Variants in DOK7 observed in about 807,000 individuals in gnomAD.
DOK7 encodes the protein protein Dok-7.
In DOK7, 32 loss-of-function variants were observed where a neutral mutation model predicts 30.7. That is an observed-to-expected ratio of 1.04 (90% CI 0.79 to 1.40). The LOEUF (loss-of-function observed/expected upper bound fraction) is 1.40, where lower values mean the gene tolerates loss of function less well. Ranked by LOEUF, DOK7 falls within the 40% of genes most tolerant of loss-of-function variation. DOK7 has a pLI of 0.00. For synonymous variants in DOK7, 447 were observed against 324.1 expected, an observed-to-expected ratio of 1.38 and a Z score of -4.07; for missense variants, 1,007 against 699.2, an observed-to-expected ratio of 1.44 and a Z score of -4.97.
chr4:3,489,703 G>C lies in DOK7; in HGVS notation c.679G>C (p.Val227Leu), dbSNP rs749222988. The change falls in exon 6 of 7, where the codon GTG becomes CTG. Residue 227 changes from valine (V) to leucine (L), a missense_variant. By Grantham distance (32) the Val-to-Leu change is conservative. Transcript: ENST00000340083. ...PDPSPPGPST[V>L]EERVAQEALE... Reference sequence around the variant, plus strand: ...CCCAAGTCCCCCGGGACCCTCGACTGTGGAGGAGCGTGTGGCCCAGGAAGC... The same window carrying C: ...CCCAAGTCCCCCGGGACCCTCGACTCTGGAGGAGCGTGTGGCCCAGGAAGC... 5.8e-6 allele frequency: 9 copies of C among 1,563,874 alleles called. No homozygotes were observed. The Admixed American group carries it at 1.7e-4, about 30-fold the overall frequency.
exon 8 of DOK7, chr4:3,501,175 G>A: frequency 3.2e-6 from 1 of 317,296 alleles, no homozygotes; most frequent in Non-Finnish European, 5.8e-6. Flanking sequence ...TGTGGTGCCT[G>A]GGATGCAAAC....
intron 6 of DOK7, among the ~76,000 whole-genome samples, chr4:3,491,443 TTTC>T (rs74214631): frequency 1.7e-5 from 2 of 120,426 alleles, no homozygotes; most frequent in Non-Finnish European, 4.0e-5. Flanking sequence ...CATTCATTTC[TTTC>T]TTCTCTCCCT....
Position 3,500,618 on chromosome 4 carries a change from C to G in DOK7, c.1262-74C>G, listed in dbSNP as rs1050370093. The G allele has an allele frequency of 2.7e-5, 42 of 1,532,466 alleles. No individual in the cohort carries two copies. The African/African-American group carries it at 4.9e-4, about 18-fold the overall frequency. The allele number at this position is 1,532,466 out of a possible 1,614,324, so 94.9% of individuals were successfully genotyped here. On this transcript the variant is annotated intron_variant, in intron 7 of 7. Transcript: ENST00000643608. ...TGCTTCCGAGGGCCTGGCTGGGGGACTGGTGTGGAGGGCAGGGTCACAGGG... is the reference window on the plus strand; with the variant it reads ...TGCTTCCGAGGGCCTGGCTGGGGGAGTGGTGTGGAGGGCAGGGTCACAGGG...
Position 3,493,130 on chromosome 4 carries a change from G to T in DOK7, c.1144G>T (p.Glu382Ter). Residue 382 changes from glutamate (E) to a stop codon, truncating the protein, a stop_gained, in exon 7 of 7, where the codon GAG becomes TAG. Coordinates refer to ENST00000340083, the MANE Select transcript of DOK7 (RefSeq NM_173660.5). LOFTEE classifies it low-confidence loss of function (END_TRUNC). ...LLSLPAAGAP[E>*]PSLCTCLPGT... is the part of the protein sequence containing the mutation. ...CAGCCTGCCAGCAGCGGGGGCCCCC[G>T]AGCCCAGCCTGTGCACCTGCCTGCC... 6.3e-7 allele frequency: 1 copy of T among 1,595,636 alleles called. No individual in the cohort carries two copies.
intron 6 of DOK7, among the ~76,000 whole-genome samples, chr4:3,490,012 CCTCCTGCTCATTCATTCCTTCCTTCTT>C (rs1728104780): frequency 1.7e-5 from 2 of 118,394 alleles, no homozygotes; most frequent in Non-Finnish European, 3.8e-5. Flanking sequence ...CCTTCCTTCT[CCTCCTGCTCATTCATTCCTTCCTTCTT>C]CCTCCTACTC....
intron 6 of DOK7, among the ~76,000 whole-genome samples, chr4:3,491,017 A>C (rs1478285175): frequency 1.4e-5 from 1 of 72,508 alleles, no homozygotes; most frequent in Non-Finnish European, 2.6e-5. Context: ...CTTCCTGCTC[A>C]TTCATTCCTT....
rs145590002 is a variant in DOK7 at position 3,481,362 on chromosome 4, T to C, written c.533-4177T>C. Among the ~76,000 whole-genome samples the C allele has an allele frequency of 4.3e-3, 655 of 151,900 alleles. 7 individuals carry two copies. The highest frequency in any genetic ancestry group is 0.015 in the African/African-American group (619 of 41,422). ...GCTGCCCCAGGCAGCAGCTGCCTGG[T>C]TGGGGGATGGGAACCCTGTGGATTG... On this transcript the variant is annotated intron_variant, in intron 4 of 6. Transcript: ENST00000340083.
exon 8 of DOK7, chr4:3,500,736 G>A (rs1009029113): frequency 1.0e-5 from 16 of 1,535,466 alleles, no homozygotes; most frequent in African/African-American, 4.1e-5. Context: ...CATGGCCACC[G>A]AGACGGCGCA....
intron 6 of DOK7, among the ~76,000 whole-genome samples, chr4:3,500,045 G>C (rs1415034509): frequency 8.5e-6 from 1 of 117,668 alleles, no homozygotes; most frequent in Non-Finnish European, 1.8e-5. Context: ...TGGACCAGGA[G>C]TGGACAGTGT....
chr4:3,493,810 G>T lies in DOK7; in HGVS notation c.*309G>T. The stretch of plus-strand genomic sequence containing the variant: ...ATCAGGTGAGTGCTGCACCTCTGTT[G>T]GCTCGTGCCTTGCACTGGGGTGCCA... On this transcript the variant is annotated 3_prime_UTR_variant, in exon 7 of 7. Transcript: ENST00000340083. 1 of 1,286,260 alleles carries T rather than the reference G, an allele frequency of 7.8e-7. No individual in the cohort carries two copies. The allele number at this position is 1,286,260 out of a possible 1,614,324, so 79.7% of individuals were successfully genotyped here. A position where few individuals can be genotyped will look rare whatever the true frequency, so the allele number is the denominator to read the frequency against.
chr4:3,494,677 C>G (rs1728803088), downstream of DOK7, among the ~76,000 whole-genome samples: 1 of 117,088 alleles, frequency 8.5e-6, no homozygotes, highest in Admixed American at 8.4e-5. Flanking sequence ...CGGGCAGCCC[C>G]CGGGCTGGGA....
At chr4:3,476,582 C>T in intron 4 of DOK7, 40 bp downstream of exon 4, 1 of 1,605,526 alleles carries the variant, frequency 6.2e-7, no homozygotes, top group Non-Finnish European at 8.5e-7. Context: ...AGCAGCAGCA[C>T]CCCCCACTTC....
downstream of DOK7, among the ~76,000 whole-genome samples, chr4:3,498,580 G>A (rs148461847): frequency 6.6e-6 from 1 of 152,130 alleles, no homozygotes; most frequent in African/African-American, 2.4e-5. Flanking sequence ...GCCAGGCCCC[G>A]GCGCTCCCTC....
chr4:3,499,500 C>T (rs979362445), intron 6 of DOK7, among the ~76,000 whole-genome samples: 26 of 152,116 alleles, frequency 1.7e-4, no homozygotes, highest in Non-Finnish European at 2.5e-4. Context: ...GAGGAGGGGC[C>T]GGTGTGCGTC....
chr4:3,474,950 C>A (rs1726980310), intron 3 of DOK7, among the ~76,000 whole-genome samples: 1 of 152,220 alleles, frequency 6.6e-6, no homozygotes, highest in South Asian at 2.1e-4. Context: ...TTTTGATCAG[C>A]ATGGACTCTG....
At position 3,473,417 on chromosome 4, in the gene DOK7, A is replaced by C. The variant is rs879604285; in HGVS notation, c.112A>C (p.Met38Leu). The change falls in exon 3 of 7, where the codon ATG becomes CTG. Residue 38 changes from methionine (M) to leucine (L), a missense_variant. By Grantham distance (15) the Met-to-Leu change is conservative (BLOSUM62 2). Transcript: ENST00000340083. Reference sequence around the variant, plus strand: ...CACGCTCCTTGCAGACTGCCTGCTGATGCTGGTCTACAAGGACAAGTCGGA... The same window carrying C: ...CACGCTCCTTGCAGACTGCCTGCTGCTGCTGGTCTACAAGGACAAGTCGGA... ...KPSPVADCLL[M>L]LVYKDKSERI... is the part of the protein sequence containing the mutation. 4 of 1,610,836 alleles carry C rather than the reference A, an allele frequency of 2.5e-6. No individual in the cohort carries two copies. The highest frequency in any genetic ancestry group is 3.4e-6 in the Non-Finnish European group (4 of 1,179,768).
At chr4:3,484,027 C>A (rs1727602216) in intron 4 of DOK7, among the ~76,000 whole-genome samples, 1 of 152,204 alleles carries the variant, frequency 6.6e-6, no homozygotes, top group Non-Finnish European at 1.5e-5. Context: ...CACCCCTCAC[C>A]CACAGTAGGA....
At chr4:3,472,354 C>T (rs1302545705) in intron 2 of DOK7, among the ~76,000 whole-genome samples, 4 of 152,252 alleles carry the variant, frequency 2.6e-5, no homozygotes, top group Non-Finnish European at 5.9e-5. Flanking sequence ...CAATCCTCTT[C>T]GGGGACATTC....
At chr4:3,496,224 G>A (rs964844133), downstream of DOK7, among the ~76,000 whole-genome samples, 4 of 152,210 alleles carry the variant, frequency 2.6e-5, no homozygotes, top group South Asian at 2.1e-4. Context: ...GGGGCACCCC[G>A]TTAGGCACGG....
Sources: gnomAD v4.1 joint callset for allele counts (sites outside exome capture counted in the v4.1 genomes callset) on GRCh38, gnomAD v4.1.1 for gene constraint, MANE v1.5 for transcripts, NCBI Gene and HGNC (gene_info 2026-07-23, HGNC 2026-07-21) for gene names.